The following NR4A2 variants were observed in gnomAD, a reference collection of about 807,000 sequenced individuals.
NR4A2 encodes NGFI-B/nur77 beta-type transcription factor homolog.
Under a neutral mutation model 50.5 loss-of-function variants are expected in NR4A2, and 1 was observed. The observed-to-expected ratio is 0.02, with a 90% CI of 0.01 to 0.09. The LOEUF (loss-of-function observed/expected upper bound fraction) is 0.09. Ranked by LOEUF, NR4A2 falls within the 10% of genes least tolerant of loss-of-function variation. The pLI is 1.00. For synonymous variants in NR4A2, 328 were observed against 309.4 expected (o/e 1.06, Z -0.63); for missense variants, 613 against 777.3 (o/e 0.79, Z 2.51).
Position 156,326,690 on chromosome 2 carries a change from T to A in NR4A2, c.1361+28A>T, listed in dbSNP as rs1686657814. 6.6e-7 allele frequency: 1 copy of A among 1,521,806 alleles called. No individual in the cohort carries two copies. The highest frequency in any genetic ancestry group is 1.9e-5 in the Admixed American group (1 of 53,752). 94.3% of individuals were successfully genotyped at this position (1,521,806 alleles called of 1,614,324 possible). A position where few individuals can be genotyped will look rare whatever the true frequency, so the allele number is the denominator to read the frequency against. On this transcript the variant is annotated intron_variant, in intron 6 of 7. Transcript: ENST00000339562. The surrounding 1 kb of genome is among the most constrained non-coding windows in gnomAD (Gnocchi z 4.2). ...TTCTTGATTTCTCTCACAGCCTCCC[T>A]GGATTGTCTCCCTCCCTCCCTTATT... is the stretch of plus-strand genomic sequence containing the variant.
rs1175646516 is a variant in NR4A2, at chr2:156,326,388, TA to T, written c.1362-61del. The T allele has an allele frequency of 4.8e-6, 7 of 1,456,160 alleles. No homozygotes were observed. Among genetic ancestry groups the T allele is most frequent in the Non-Finnish European group, 6.8e-6 (7 of 1,036,784 alleles). 90.2% of individuals were successfully genotyped at this position (1,456,160 alleles called of 1,614,324 possible). A position where few individuals can be genotyped will look rare whatever the true frequency, so the allele number is the denominator to read the frequency against. Reference sequence around the variant, plus strand: ...AAGAGAGAGAGAAAAGCTAAACAACTAATTACTTGAAGAGCAATAAATGAGG... The same window carrying T: ...AAGAGAGAGAGAAAAGCTAAACAACTATTACTTGAAGAGCAATAAATGAGG... On this transcript the variant is annotated intron_variant, in intron 6 of 7. Transcript: ENST00000339562. This position sits in a 1 kb window ranked among gnomAD's most constrained non-coding sequence, Gnocchi z 4.2.
rs1686982299 is a variant in NR4A2 at position 156,332,581 on chromosome 2, G to T, written c.-228C>A. On this transcript the variant is annotated 5_prime_UTR_variant, in exon 1 of 8. Transcript: ENST00000339562. ...GGTCGGGTAGGGGTGGGAGAGCTGG[G>T]CGAAGGGAACCCGGACACCTCACGG... 1.9e-6 allele frequency: 2 copies of T among 1,072,140 alleles called. No homozygotes were observed. Among genetic ancestry groups the T allele is most frequent in the Non-Finnish European group, 2.5e-6 (2 of 792,076 alleles). The allele number at this position is 1,072,140 out of a possible 1,614,324, so 66.4% of individuals were successfully genotyped here.
chr2:156,326,419 TAA>T lies in NR4A2; in HGVS notation c.1362-93_1362-92del, dbSNP rs1686645164. On this transcript the variant is annotated intron_variant, in intron 6 of 7. Coordinates refer to ENST00000339562, the MANE Select transcript of NR4A2 (RefSeq NM_006186.4). The surrounding 1 kb of genome is among the most constrained non-coding windows in gnomAD (Gnocchi z 4.2). ...CTTGAAGAGCAATAAATGAGGGATTTAAGAGTCACCTAATTACTGAAGAGTTA... is the reference window on the plus strand; with the variant it reads ...CTTGAAGAGCAATAAATGAGGGATTTGAGTCACCTAATTACTGAAGAGTTA... The T allele has an allele frequency of 8.3e-7, 1 of 1,203,036 alleles. No homozygotes were observed. The highest frequency in any genetic ancestry group is 1.2e-6 in the Non-Finnish European group (1 of 810,882). The allele number at this position is 1,203,036 out of a possible 1,614,324, so 74.5% of individuals were successfully genotyped here.
rs758074547 is a variant in NR4A2 at position 156,325,864 on chromosome 2, G to C, written c.1677C>G (p.Leu559=). 6.2e-7 allele frequency: 1 copy of C among 1,614,164 alleles called. No homozygotes were observed. Among genetic ancestry groups the C allele is most frequent in the Non-Finnish European group, 8.5e-7 (1 of 1,180,038 alleles). ...PNYLSKLLGK[L]PELRTLCTQG... is the part of the protein sequence containing the mutation. ...GTGTGCAAAGGGTACGAAGTTCTGG[G>C]AGCTTCCCCAACAGTTTGGACAAAT... Residue 559 remains leucine, a synonymous_variant, in exon 8 of 8, where the codon CTC becomes CTG. Transcript: ENST00000339562.
rs1305448304 is a variant in NR4A2 at position 156,324,630 on chromosome 2, C to T, written c.*1114G>A. The stretch of plus-strand genomic sequence containing the variant: ...GGCAATATTAAAATTCTTACTCAAA[C>T]AAAATAATAAATTAACTGACAATTT... On this transcript the variant is annotated 3_prime_UTR_variant, in exon 8 of 8. Transcript: ENST00000339562. 1 of 152,384 alleles carries T rather than the reference C, an allele frequency of 6.6e-6. No homozygotes were observed. Among genetic ancestry groups the T allele is most frequent in the Non-Finnish European group, 1.5e-5 (1 of 67,974 alleles). 9.4% of individuals were successfully genotyped at this position (152,384 alleles called of 1,614,324 possible).
In NR4A2 at chr2:156,328,588, C is replaced by T; in HGVS notation, c.865-55G>A. On this transcript the variant is annotated intron_variant, in intron 3 of 7. Transcript: ENST00000339562. The surrounding 1 kb of genome is among the most constrained non-coding windows in gnomAD (Gnocchi z 4.9). ...TTTTTTTCTTCTTTTGAAAATCAGG[C>T]AACTCGGAGAAAATTTCTGTTATGT... is the stretch of plus-strand genomic sequence containing the variant. 1 of 1,612,456 alleles carries T rather than the reference C, an allele frequency of 6.2e-7. No homozygotes were observed. Among genetic ancestry groups the T allele is most frequent in the Non-Finnish European group, 8.5e-7 (1 of 1,179,284 alleles).
chr2:156,325,598 G>C lies in NR4A2; in HGVS notation c.*146C>G. ...TTTGTTTGTTTGTTTGTTTTCTTTA[G>C]GGATCAAGGGGGCTAGGAGGGTTAC... On this transcript the variant is annotated 3_prime_UTR_variant, in exon 8 of 8. Transcript: ENST00000339562. 2 of 1,029,084 alleles carry C rather than the reference G, an allele frequency of 1.9e-6. No individual in the cohort carries two copies. Among genetic ancestry groups the C allele is most frequent in the Non-Finnish European group, 1.5e-6 (1 of 666,112 alleles). The allele number at this position is 1,029,084 out of a possible 1,614,324, so 63.7% of individuals were successfully genotyped here. A position where few individuals can be genotyped will look rare whatever the true frequency, so the allele number is the denominator to read the frequency against.
chr2:156,330,347 C>T (rs1354119393), intron 2 of NR4A2, among the ~76,000 whole-genome samples, 159 bp from the exon 3 acceptor site: 1 of 152,110 alleles, frequency 6.6e-6, no homozygotes, highest in African/African-American at 2.4e-5. Context: ...TGCAGAACAA[C>T]AGTTTAGGGC....
rs1334806159 is a variant in NR4A2 at position 156,329,457 on chromosome 2, G to A, written c.730C>T (p.Leu244Phe). 1 of 1,608,462 alleles carries A rather than the reference G, an allele frequency of 6.2e-7. No individual in the cohort carries two copies. Among genetic ancestry groups the A allele is most frequent in the Non-Finnish European group, 8.5e-7 (1 of 1,179,158 alleles). The stretch of plus-strand genomic sequence containing the variant: ...GGCGGTGAGGGCACCTGCGTGTCGA[G>A]CAGCTGAGACGCGTGGCCGATCTGC... ...GLQIGHASQLLDTQVPSPPSR... is the reference protein window; with the variant it reads ...GLQIGHASQLFDTQVPSPPSR... Residue 244 changes from leucine to phenylalanine, a missense_variant, in exon 3 of 8, where the codon CTC becomes TTC. By Grantham distance (22) the Leu-to-Phe change is conservative. Coordinates refer to ENST00000339562, the MANE Select transcript of NR4A2 (RefSeq NM_006186.4). This position sits in a 1 kb window ranked among gnomAD's most constrained non-coding sequence, Gnocchi z 7.5.
At position 156,325,423 on chromosome 2, in the gene NR4A2, T is replaced by A. The variant is rs1686598989; in HGVS notation, c.*321A>T. ...CATTTCCCATTATACATTATAGCAATCTTTCTTCTGAACAACAAACTGATT... is the reference window on the plus strand; with the variant it reads ...CATTTCCCATTATACATTATAGCAAACTTTCTTCTGAACAACAAACTGATT... On this transcript the variant is annotated 3_prime_UTR_variant, in exon 8 of 8. Transcript: ENST00000339562. 2.6e-6 allele frequency: 1 copy of A among 377,940 alleles called. No homozygotes were observed. Among genetic ancestry groups the A allele is most frequent in the South Asian group, 2.2e-5 (1 of 44,756 alleles). The allele number at this position is 377,940 out of a possible 1,614,324, so 23.4% of individuals were successfully genotyped here.
In NR4A2 at chr2:156,324,764, A is replaced by G. The variant is rs1686566495; in HGVS notation, c.*980T>C. ...CTGCATGCAAGTTTTGTTTAGCTTT[A>G]GACAACAAAATAATCAAGATATAAA... On this transcript the variant is annotated 3_prime_UTR_variant, in exon 8 of 8. Coordinates refer to ENST00000339562, the MANE Select transcript of NR4A2 (RefSeq NM_006186.4). 6.6e-6 allele frequency: 1 copy of G among 152,660 alleles called. No homozygotes were observed. The highest frequency in any genetic ancestry group is 2.4e-5 in the African/African-American group (1 of 41,462). 9.5% of individuals were successfully genotyped at this position (152,660 alleles called of 1,614,324 possible). A position where few individuals can be genotyped will look rare whatever the true frequency, so the allele number is the denominator to read the frequency against.
chr2:156,328,140 G>T lies in NR4A2; in HGVS notation c.995-126C>A. 7.7e-7 allele frequency: 1 copy of T among 1,295,680 alleles called. No homozygotes were observed. Among genetic ancestry groups the T allele is most frequent in the South Asian group, 1.3e-5 (1 of 77,482 alleles). The allele number at this position is 1,295,680 out of a possible 1,614,324, so 80.3% of individuals were successfully genotyped here. A position where few individuals can be genotyped will look rare whatever the true frequency, so the allele number is the denominator to read the frequency against. On this transcript the variant is annotated intron_variant, in intron 4 of 7. Coordinates refer to ENST00000339562, the MANE Select transcript of NR4A2 (RefSeq NM_006186.4). This position sits in a 1 kb window ranked among gnomAD's most constrained non-coding sequence, Gnocchi z 4.9. ...TGAGCGGCTGAGGGCCCCAGTGCTT[G>T]TAAAGCCTTCACTGACTAGAAGCAT...
At position 156,330,119 on chromosome 2, in the gene NR4A2, C is replaced by G. The variant is rs766358647; in HGVS notation, c.68G>C (p.Ser23Thr). Residue 23 changes from serine (S) to threonine (T), a missense_variant, in exon 3 of 8, where the codon AGT (serine) becomes ACT (threonine). Ser to Thr is a moderately conservative substitution (Grantham distance 58). Coordinates refer to ENST00000339562, the MANE Select transcript of NR4A2 (RefSeq NM_006186.4). ...QGASPASQSY[S>T]YHSSGEYSSD... ...GCTGTATTCTCCCGAAGAGTGGTAA[C>G]TGTAGCTCTGAGAAGCGGGGCTGGC... The G allele has an allele frequency of 1.2e-6, 2 of 1,614,048 alleles. No individual in the cohort carries two copies. Among genetic ancestry groups the G allele is most frequent in the Non-Finnish European group, 1.7e-6 (2 of 1,180,028 alleles).
chr2:156,330,629 G>A (rs2105617688), intron 2 of NR4A2, 39 bp downstream of exon 2: 1 of 1,335,998 alleles, frequency 7.5e-7, no homozygotes, highest in African/African-American at 1.5e-5. Context: ...TGTTTGGGGA[G>A]CTCTGGAGAG....
chr2:156,330,278 C>A, intron 2 of NR4A2, 90 bp from the exon 3 acceptor site: 1 of 1,508,486 alleles, frequency 6.6e-7, no homozygotes, highest in Admixed American at 1.9e-5. Context: ...ACACCGGCAG[C>A]CCGCGGCAGT....
chr2:156,327,788 TG>T, intron 5 of NR4A2, 62 bp downstream of exon 5: 6 of 1,539,142 alleles, frequency 3.9e-6, no homozygotes, highest in Non-Finnish European at 5.3e-6. Flanking sequence ...ATGACGGATG[TG>T]GGGAGGGGTC....
At chr2:156,332,179 C>T (rs1380375137) in intron 1 of NR4A2, among the ~76,000 whole-genome samples, 1 of 152,208 alleles carries the variant, frequency 6.6e-6, no homozygotes, top group Non-Finnish European at 1.5e-5. Context: ...GCAAACTTTG[C>T]GCACATTTCC....
chr2:156,326,413 G>A lies in NR4A2; in HGVS notation c.1362-85C>T. 1 of 1,278,570 alleles carries A rather than the reference G, an allele frequency of 7.8e-7. No individual in the cohort carries two copies. Among genetic ancestry groups the A allele is most frequent in the Non-Finnish European group, 1.1e-6 (1 of 877,878 alleles). 79.2% of individuals were successfully genotyped at this position (1,278,570 alleles called of 1,614,324 possible). On this transcript the variant is annotated intron_variant, in intron 6 of 7. Transcript: ENST00000339562. This position sits in a 1 kb window ranked among gnomAD's most constrained non-coding sequence, Gnocchi z 4.2. ...TAATTACTTGAAGAGCAATAAATGA[G>A]GGATTTAAGAGTCACCTAATTACTG...
At position 156,326,585 on chromosome 2, in the gene NR4A2, T is replaced by C. The variant is rs918222195; in HGVS notation, c.1361+133A>G. 1.8e-6 allele frequency: 2 copies of C among 1,122,182 alleles called. No individual in the cohort carries two copies. Among genetic ancestry groups the C allele is most frequent in the African/African-American group, 1.6e-5 (1 of 64,148 alleles). The allele number at this position is 1,122,182 out of a possible 1,614,324, so 69.5% of individuals were successfully genotyped here. On this transcript the variant is annotated intron_variant, in intron 6 of 7. Transcript: ENST00000339562. This position sits in a 1 kb window ranked among gnomAD's most constrained non-coding sequence, Gnocchi z 4.2. ...CTTTTTTTGTTTTCTTTCTTTTTCT[T>C]CCTTTCTCCGACTTCCATTTCCTAT...
Sources: gnomAD v4.1 joint callset for allele counts (sites outside exome capture counted in the v4.1 genomes callset) on GRCh38, gnomAD v4.1.1 for gene constraint, Gnocchi (gnomAD v3.1) non-coding constraint, MANE v1.5 for transcripts, NCBI Gene and HGNC (gene_info 2026-07-23, HGNC 2026-07-21) for gene names.